GDA: variants seen among roughly 807,000 people sequenced by gnomAD.
GDA encodes the protein guanine deaminase.
A neutral mutation model predicts 59.6 loss-of-function variants in GDA; 18 were observed. The ratio of observed to expected loss-of-function variants is 0.30; its 90% CI spans 0.21 to 0.45. The LOEUF (loss-of-function observed/expected upper bound fraction) is 0.45. Among genes scored for constraint, GDA ranks in the 20% least tolerant of loss-of-function variants. The pLI is 1.00. For synonymous variants in GDA, 201 were observed against 201.1 expected (o/e 1.00, Z 0.00); for missense variants, 427 against 552.3 (o/e 0.77, Z 2.27).
At chr9:72,230,490 C>CA (rs1253245279) in intron 9 of GDA, among the ~76,000 whole-genome samples, 3,222 of 138,304 alleles carry the variant, frequency 0.023, 43 homozygotes, top group Non-Finnish European at 0.03. Flanking sequence ...GACTCTGTCT[C>CA]AAAAAAAAAA....
intron 1 of GDA, among the ~76,000 whole-genome samples, chr9:72,163,693 C>T (rs1828940871): frequency 6.6e-6 from 1 of 152,100 alleles, no homozygotes; most frequent in Non-Finnish European, 1.5e-5. Flanking sequence ...GGGGTTTCAC[C>T]GTATTAGCCA....
chr9:72,204,670 A>T (rs1834450192), intron 3 of GDA, among the ~76,000 whole-genome samples: 1 of 152,248 alleles, frequency 6.6e-6, no homozygotes, highest in South Asian at 2.1e-4. Context: ...TATATATTGT[A>T]AAGATTCTAT....
At chr9:72,146,313 CT>C (rs977094478), upstream of GDA, among the ~76,000 whole-genome samples, 24 of 152,032 alleles carry the variant, frequency 1.6e-4, no homozygotes, top group Admixed American at 1.4e-3. Flanking sequence ...AGGCGGGGCT[CT>C]TTTTTTCTGA....
chr9:72,227,293 T>G (rs551106306), intron 8 of GDA, among the ~76,000 whole-genome samples: 3 of 152,340 alleles, frequency 2.0e-5, no homozygotes, highest in Admixed American at 6.5e-5. Context: ...GTGTGTGCAG[T>G]GCCTGCTTTC....
At chr9:72,209,138 G>A (rs536805345) in intron 3 of GDA, among the ~76,000 whole-genome samples, 259 of 150,692 alleles carry the variant, frequency 1.7e-3, no homozygotes, top group African/African-American at 5.0e-3. Context: ...CTGTACTTAC[G>A]AACTTAATAT....
At chr9:72,115,558 T>C (rs1002800567) in intron 1 of GDA, among the ~76,000 whole-genome samples, 11 of 152,224 alleles carry the variant, frequency 7.2e-5, no homozygotes, top group African/African-American at 2.7e-4. Flanking sequence ...ATGTACAAGA[T>C]AGAATATTTG....
intron 1 of GDA, among the ~76,000 whole-genome samples, chr9:72,117,162 A>T (rs1009721236): frequency 3.9e-5 from 6 of 152,190 alleles, no homozygotes; most frequent in African/African-American, 1.4e-4. Context: ...CATTTTCTTA[A>T]TCTAGTCTAT....
intron 1 of GDA, among the ~76,000 whole-genome samples, chr9:72,180,179 AAACC>A (rs2131066497): frequency 6.6e-6 from 1 of 152,254 alleles, no homozygotes; most frequent in South Asian, 2.1e-4. Context: ...CAACATGGTG[AAACC>A]CCATCTCTAC....
At chr9:72,199,404 A>G (rs1833646145) in intron 2 of GDA, among the ~76,000 whole-genome samples, 1 of 152,226 alleles carries the variant, frequency 6.6e-6, no homozygotes, top group Non-Finnish European at 1.5e-5. Flanking sequence ...TTCAGATGCA[A>G]TAAATCCTTG....
chr9:72,156,353 A>G (rs1827888474), intron 1 of GDA, among the ~76,000 whole-genome samples: 1 of 152,202 alleles, frequency 6.6e-6, no homozygotes. Flanking sequence ...AGGCTACTTT[A>G]CCAGAAGTTC....
intron 5 of GDA, 35 bp downstream of exon 5, chr9:72,214,026 G>A (rs1383544334): frequency 1.8e-6 from 2 of 1,131,790 alleles, no homozygotes; most frequent in Non-Finnish European, 1.3e-6. Flanking sequence ...TGTCTTACAG[G>A]TGAATTCCTG....
chr9:72,217,078 T>TA (rs1836228677), intron 5 of GDA, among the ~76,000 whole-genome samples: 1 of 152,180 alleles, frequency 6.6e-6, no homozygotes, highest in African/African-American at 2.4e-5. Flanking sequence ...ATAAATCTAC[T>TA]AAAAATCATG....
rs146927813 is a variant in GDA at position 72,228,435 on chromosome 9, A to G, written c.920+395A>G. 415 of 194,222 alleles carry G rather than the reference A, an allele frequency of 2.1e-3. 1 individual carries two copies. Among genetic ancestry groups the G allele is most frequent in the Non-Finnish European group, 3.6e-3 (341 of 94,388 alleles). 12.0% of individuals were successfully genotyped at this position (194,222 alleles called of 1,614,324 possible). A position where few individuals can be genotyped will look rare whatever the true frequency, so the allele number is the denominator to read the frequency against. On this transcript the variant is annotated intron_variant, in intron 9 of 13. Transcript: ENST00000358399. ...AACACAGCAATACCAAAGCAAATGC[A>G]CTATGATGTATGTTACCCTGTTGGA...
At chr9:72,197,514 G>A (rs1833335836) in intron 2 of GDA, 1 of 152,120 alleles carries the variant, frequency 6.6e-6, no homozygotes, top group Non-Finnish European at 1.5e-5. Flanking sequence ...TGGGATGAGA[G>A]AATGGTGGAA....
At chr9:72,149,797 T>G (rs955869846) in intron 1 of GDA, 115 bp downstream of exon 1, 3 of 1,099,540 alleles carry the variant, frequency 2.7e-6, no homozygotes, top group Non-Finnish European at 3.7e-6. Flanking sequence ...GCGCCGCGGC[T>G]CCGGAGTTGA....
At position 72,179,451 on chromosome 9, in the gene GDA, G is replaced by A. The variant is rs1587501391; in HGVS notation, c.124-16049G>A. Among the ~76,000 whole-genome samples, 5 of 152,268 alleles carry A rather than the reference G, an allele frequency of 3.3e-5. 1 individual carries two copies. The highest frequency in any genetic ancestry group is 3.3e-4 in the Admixed American group (5 of 15,286). On this transcript the variant is annotated intron_variant, in intron 1 of 13. Coordinates refer to ENST00000358399, the MANE Select transcript of GDA (RefSeq NM_004293.5). ...GGTAAATCAGAGAGGTTAAGGGATT[G>A]GCTCTTGTTCACAGAGCTAGTAAAT...
intron 3 of GDA, 148 bp from the exon 4 acceptor site, chr9:72,210,539 C>T: frequency 1.8e-6 from 1 of 567,970 alleles, no homozygotes; most frequent in South Asian, 2.4e-5. Flanking sequence ...TACCTTTTGC[C>T]ATTTACCTAA....
chr9:72,137,115 T>C (rs1826254036), intron 1 of GDA, among the ~76,000 whole-genome samples: 1 of 151,456 alleles, frequency 6.6e-6, no homozygotes, highest in Admixed American at 6.6e-5. Context: ...CTTCCAAGAA[T>C]AATACAAATG....
At chr9:72,214,804 G>A (rs2131487311) in intron 5 of GDA, 1 of 272,762 alleles carries the variant, frequency 3.7e-6, no homozygotes, top group Non-Finnish European at 7.1e-6. Context: ...CGCGATCTCA[G>A]CTCACTGAAA....
Sources: allele counts gnomAD v4.1 joint callset (sites outside exome capture counted in the v4.1 genomes callset), GRCh38; gene constraint gnomAD v4.1.1; transcripts MANE v1.5; gene names NCBI Gene and HGNC (gene_info 2026-07-23, HGNC 2026-07-21).